The following SULT1C2 variants were observed in gnomAD, a reference collection of about 807,000 sequenced individuals.
SULT1C2 encodes the protein sulfotransferase family 1C member 2, also known as sulfotransferase 1C2.
In SULT1C2, 27 loss-of-function variants were observed where a neutral mutation model predicts 36.0. The observed-to-expected ratio is 0.75, with a 90% CI of 0.55 to 1.03. The LOEUF (loss-of-function observed/expected upper bound fraction) is 1.03. Ranked by LOEUF, SULT1C2 falls within the 50% of genes least tolerant of loss-of-function variation. The probability of loss-of-function intolerance (pLI) is 0.00; values close to 1 mark genes in which losing one functional copy is unlikely to be tolerated. For missense variants in SULT1C2, 395 were observed against 359.2 expected (o/e 1.10, Z -0.80); for synonymous variants, 121 against 116.0 (o/e 1.04, Z -0.27).
Position 108,309,182 on chromosome 2 carries a change from C to G in SULT1C2, c.*718C>G, listed in dbSNP as rs1191097023. 1.3e-5 allele frequency: 2 copies of G among 152,214 alleles called. No individual in the cohort carries two copies. Among genetic ancestry groups the G allele is most frequent in the Non-Finnish European group, 1.5e-5 (1 of 68,040 alleles). The allele number at this position is 152,214 out of a possible 1,614,324, so 9.4% of individuals were successfully genotyped here. Reference sequence around the variant, plus strand: ...ACAACGTCAGCATGGGCATGGCTCCCAGGCATGGAGGTAATTGGGTCTTGG... The same window carrying G: ...ACAACGTCAGCATGGGCATGGCTCCGAGGCATGGAGGTAATTGGGTCTTGG... On this transcript the variant is annotated 3_prime_UTR_variant, in exon 8 of 8. Transcript: ENST00000251481.
chr2:108,305,612 T>C lies in SULT1C2; in HGVS notation c.778+17T>C, dbSNP rs751557184. On this transcript the variant is annotated intron_variant, in intron 7 of 7. Coordinates refer to ENST00000251481, the MANE Select transcript of SULT1C2 (RefSeq NM_001056.4). ...TGAGAAAAGGTGTGTGGGGCCTCTT[T>C]ATCATACATTCAGATTGTCTCGTAA... 2 of 1,613,988 alleles carry C rather than the reference T, an allele frequency of 1.2e-6. No individual in the cohort carries two copies. Among genetic ancestry groups the C allele is most frequent in the Non-Finnish European group, 1.7e-6 (2 of 1,179,886 alleles).
intron 3 of SULT1C2, among the ~76,000 whole-genome samples, chr2:108,294,988 C>G (rs1157884071): frequency 6.6e-6 from 1 of 152,144 alleles, no homozygotes; most frequent in Non-Finnish European, 1.5e-5. Context: ...GGCCTACTTC[C>G]CTAAGTTATA....
chr2:108,293,006 C>A (rs562644583), intron 1 of SULT1C2, among the ~76,000 whole-genome samples: 56 of 152,136 alleles, frequency 3.7e-4, no homozygotes, highest in African/African-American at 1.2e-3. Context: ...TGGCGAAACT[C>A]GGTCCCTACT....
At position 108,293,642 on chromosome 2, in the gene SULT1C2, C is replaced by A. The variant is rs1333640986; in HGVS notation, c.-21-5C>A. On this transcript the variant is annotated splice_region_variant and splice_polypyrimidine_tract_variant and intron_variant, in intron 1 of 7. Coordinates refer to ENST00000251481, the MANE Select transcript of SULT1C2 (RefSeq NM_001056.4). The stretch of plus-strand genomic sequence containing the variant: ...TTAAAAATCTCCTCTATTCTTTTCC[C>A]ATAGGGACCCCAACCCTGAGACACT... The A allele has an allele frequency of 5.7e-6, 9 of 1,581,078 alleles. No individual in the cohort carries two copies. In the African/African-American group the frequency reaches 9.6e-5, roughly 17 times the overall value.
intron 3 of SULT1C2, 27 bp downstream of exon 3, chr2:108,294,381 T>G (rs761841292): frequency 1.2e-6 from 2 of 1,608,360 alleles, no homozygotes; most frequent in Non-Finnish European, 1.7e-6. Flanking sequence ...CTTTCTCTCT[T>G]CCTGCTTTCT....
At chr2:108,306,870 T>C (rs1558682185) in intron 7 of SULT1C2, among the ~76,000 whole-genome samples, 1 of 152,092 alleles carries the variant, frequency 6.6e-6, no homozygotes, top group African/African-American at 2.4e-5. Flanking sequence ...CATGCCACTG[T>C]ACTCCAGCCT....
chr2:108,305,929 T>G (rs1438025918), intron 7 of SULT1C2, among the ~76,000 whole-genome samples: 4 of 152,236 alleles, frequency 2.6e-5, no homozygotes, highest in African/African-American at 9.6e-5. Context: ...CAGGGGCCGC[T>G]GGATCTCAGG....
At position 108,304,616 on chromosome 2, in the gene SULT1C2, T is replaced by G. The variant is rs761512900; in HGVS notation, c.418T>G (p.Tyr140Asp). 1.2e-6 allele frequency: 2 copies of G among 1,613,778 alleles called. No individual in the cohort carries two copies. Among genetic ancestry groups the G allele is most frequent in the East Asian group, 4.5e-5 (2 of 44,890 alleles). Residue 140 changes from tyrosine to aspartate, a missense_variant, in exon 5 of 8, where the codon TAC becomes GAC. Physicochemically the swap from Tyr to Asp is radical, Grantham distance 160. Coordinates refer to ENST00000251481, the MANE Select transcript of SULT1C2 (RefSeq NM_001056.4). Reference sequence around the variant, plus strand: ...AAATGCCAAAGACTGTATGGTTTCCTACTACCATTTCCAAAGGATGAACCA... The same window carrying G: ...AAATGCCAAAGACTGTATGGTTTCCGACTACCATTTCCAAAGGATGAACCA... ...ARNAKDCMVS[Y>D]YHFQRMNHML...
chr2:108,293,927 A>G, intron 2 of SULT1C2, 109 bp downstream of exon 2: 2 of 1,480,282 alleles, frequency 1.4e-6, no homozygotes, highest in Non-Finnish European at 1.8e-6. Context: ...ATTGTTCCAC[A>G]ATGGGTTTTG....
intron 4 of SULT1C2, chr2:108,302,485 G>T (rs1057163): frequency 6.6e-6 from 1 of 152,182 alleles, no homozygotes; most frequent in Non-Finnish European, 1.5e-5. Context: ...CCACAAGGTG[G>T]TCCCCACAGC....
At chr2:108,289,970 C>A (rs1463270240) in intron 1 of SULT1C2, among the ~76,000 whole-genome samples, 1 of 152,220 alleles carries the variant, frequency 6.6e-6, no homozygotes, top group Non-Finnish European at 1.5e-5. Context: ...TCAGCAGCAG[C>A]AGGTGCCCTT....
Position 108,294,333 on chromosome 2 carries a change from G to T in SULT1C2, c.256G>T (p.Ala86Ser). The stretch of plus-strand genomic sequence containing the variant: ...ACACCGCCATCCTTTCATTGAGTGG[G>T]CTCGGCCACCCCAACCTTCTGGTGA... ...IQHRHPFIEW[A>S]RPPQPSGVEK... Residue 86 changes from alanine (A) to serine (S), a missense_variant, in exon 3 of 8, where the codon GCT becomes TCT. Physicochemically the swap from Ala to Ser is moderately conservative, Grantham distance 99. Transcript: ENST00000251481. 6.2e-7 allele frequency: 1 copy of T among 1,613,482 alleles called. No homozygotes were observed. Among genetic ancestry groups the T allele is most frequent in the Non-Finnish European group, 8.5e-7 (1 of 1,179,704 alleles).
intron 3 of SULT1C2, chr2:108,298,787 T>C: frequency 4.7e-6 from 1 of 213,658 alleles, no homozygotes; most frequent in Middle Eastern, 4.7e-4. Flanking sequence ...CTAGCTCTTG[T>C]TCATAGGGCT....
chr2:108,294,969 T>C (rs1558677515), intron 3 of SULT1C2, among the ~76,000 whole-genome samples: 2 of 152,192 alleles, frequency 1.3e-5, no homozygotes, highest in Non-Finnish European at 2.9e-5. Flanking sequence ...AAAACAAGGA[T>C]AGGAGGAAGG....
At chr2:108,292,665 C>T (rs1012169801) in intron 1 of SULT1C2, among the ~76,000 whole-genome samples, 1 of 152,176 alleles carries the variant, frequency 6.6e-6, no homozygotes, top group Non-Finnish European at 1.5e-5. Context: ...AACCCTTGTG[C>T]ACTGCTTGTA....
chr2:108,298,841 T>C, intron 3 of SULT1C2: 1 of 201,926 alleles, frequency 5.0e-6, no homozygotes, highest in Non-Finnish European at 1.0e-5. Context: ...AGCTCTTTTC[T>C]CCCTGTCTTG....
Position 108,308,316 on chromosome 2 carries a change from C to G in SULT1C2, c.779-36C>G, listed in dbSNP as rs1677071881. ...ACTCAGGGACACCACATCTTTCAAT[C>G]AGAGTGACACTCCTGTCTGGCCTTC... On this transcript the variant is annotated intron_variant, in intron 7 of 7. Transcript: ENST00000251481. 4 of 1,567,270 alleles carry G rather than the reference C, an allele frequency of 2.6e-6. No homozygotes were observed. The East Asian group carries it at 9.0e-5, about 35-fold the overall frequency.
At chr2:108,295,791 C>T (rs1394810435) in intron 3 of SULT1C2, among the ~76,000 whole-genome samples, 2 of 152,168 alleles carry the variant, frequency 1.3e-5, no homozygotes, top group African/African-American at 2.4e-5. Flanking sequence ...TTATCTAAGA[C>T]CAGCATTTTT....
Position 108,309,875 on chromosome 2 carries a change from C to T in SULT1C2, c.*1411C>T, listed in dbSNP as rs1414662221. Reference sequence around the variant, plus strand: ...ATGTATATGAGCTTCAAATAAGCACCTTTTTATTATGTAAATAAATAAAAG... The same window carrying T: ...ATGTATATGAGCTTCAAATAAGCACTTTTTTATTATGTAAATAAATAAAAG... On this transcript the variant is annotated 3_prime_UTR_variant, in exon 8 of 8. Transcript: ENST00000251481. 1.3e-5 allele frequency: 2 copies of T among 152,144 alleles called. No homozygotes were observed. Among genetic ancestry groups the T allele is most frequent in the Admixed American group, 6.5e-5 (1 of 15,284 alleles). The allele number at this position is 152,144 out of a possible 1,614,324, so 9.4% of individuals were successfully genotyped here.
Sources: allele counts gnomAD v4.1 joint callset (sites outside exome capture counted in the v4.1 genomes callset), GRCh38; gene constraint gnomAD v4.1.1; transcripts MANE v1.5; gene names NCBI Gene and HGNC (gene_info 2026-07-23, HGNC 2026-07-21).